Variants in VIPR2 observed in about 807,000 individuals in gnomAD.
VIPR2 encodes the protein vasoactive intestinal peptide receptor 2, also known as vasoactive intestinal polypeptide receptor 2.
VIPR2 carries 48 observed loss-of-function variants against 58.0 expected under a neutral mutation model. That is an observed-to-expected ratio of 0.83 (90% CI 0.66 to 1.05). The LOEUF is 1.05. Ranked by LOEUF, VIPR2 falls within the 50% of genes least tolerant of loss-of-function variation. The pLI is 0.00. For missense variants in VIPR2, 534 were observed against 558.0 expected (o/e 0.96, Z 0.43); for synonymous variants, 243 against 235.2 (o/e 1.03, Z -0.30).
chr7:159,074,256 G>A (rs1344583568), intron 4 of VIPR2, among the ~76,000 whole-genome samples: 1 of 152,254 alleles, frequency 6.6e-6, no homozygotes, highest in East Asian at 1.9e-4. Context: ...AAAATGTTCT[G>A]GGCCTAAAGT....
chr7:159,067,319 A>AGAG, intron 4 of VIPR2, among the ~76,000 whole-genome samples: 1 of 152,244 alleles, frequency 6.6e-6, no homozygotes, highest in East Asian at 1.9e-4. Flanking sequence ...TCTGCTGTGC[A>AGAG]GCTATAGGAT....
At chr7:159,091,085 A>G (rs2129495311) in intron 4 of VIPR2, among the ~76,000 whole-genome samples, 1 of 152,360 alleles carries the variant, frequency 6.6e-6, no homozygotes, top group Non-Finnish European at 1.5e-5. Context: ...ACACGCTGTG[A>G]TCACACACAG....
intron 4 of VIPR2, 118 bp downstream of exon 4, chr7:159,103,639 G>T: frequency 2.6e-6 from 2 of 755,498 alleles, no homozygotes; most frequent in Non-Finnish European, 4.5e-6. Flanking sequence ...AAGTAGCATT[G>T]GTACTCAGAG....
chr7:159,032,537 G>T (rs1374228200), intron 10 of VIPR2, among the ~76,000 whole-genome samples: 1 of 152,198 alleles, frequency 6.6e-6, no homozygotes, highest in Non-Finnish European at 1.5e-5. Flanking sequence ...CTCCGTGGGA[G>T]CCAGGTCCCT....
intron 2 of VIPR2, among the ~76,000 whole-genome samples, chr7:159,118,265 G>GT (rs1796319235): frequency 6.6e-6 from 1 of 152,180 alleles, no homozygotes; most frequent in Non-Finnish European, 1.5e-5. Context: ...GCCCCAAACG[G>GT]TAACAGGATT....
intron 2 of VIPR2, among the ~76,000 whole-genome samples, chr7:159,133,312 A>C (rs894387981): frequency 1.3e-5 from 2 of 152,310 alleles, no homozygotes; most frequent in Non-Finnish European, 2.9e-5. Flanking sequence ...GTCCCAATAA[A>C]GCTGACCCCG....
intron 4 of VIPR2, among the ~76,000 whole-genome samples, chr7:159,063,393 C>T (rs1855838069): frequency 1.3e-5 from 2 of 152,196 alleles, no homozygotes; most frequent in Admixed American, 6.5e-5. Flanking sequence ...TGCTAAGCCC[C>T]TCACTGCCCG....
rs1853365745 is a variant in VIPR2, at chr7:159,028,675, GGGGA to G, written c.*1937_*1940del. The G allele has an allele frequency of 6.6e-6, 1 of 152,458 alleles. No individual in the cohort carries two copies. Among genetic ancestry groups the G allele is most frequent in the African/African-American group, 2.4e-5 (1 of 41,470 alleles). 9.4% of individuals were successfully genotyped at this position (152,458 alleles called of 1,614,324 possible). On this transcript the variant is annotated 3_prime_UTR_variant, in exon 13 of 13. Transcript: ENST00000262178. ...GGGGTGGGTCTGTCCAAACCCTACA[GGGGA>G]GGAACAGCCGAGGGGCCGCACTGAA...
rs772737308 is a variant in VIPR2 at position 159,036,921 on chromosome 7, G to A, written c.598-19C>T. 4.4e-6 allele frequency: 7 copies of A among 1,606,218 alleles called. No individual in the cohort carries two copies. The Admixed American group carries it at 1.2e-4, about 27-fold the overall frequency. On this transcript the variant is annotated intron_variant, in intron 6 of 12. Transcript: ENST00000262178. ...AGCCCACCTGGAAACCGCAAACAGA[G>A]GAGAGGAAAGCATGACCTCATCCGG... is the stretch of plus-strand genomic sequence containing the variant.
chr7:159,059,305 C>T (rs1003582210), intron 4 of VIPR2: 9 of 471,232 alleles, frequency 1.9e-5, no homozygotes, highest in Admixed American at 1.2e-4. Flanking sequence ...CATCATCACT[C>T]GCCACTCCCA....
At chr7:159,130,302 G>T (rs908695491) in intron 2 of VIPR2, among the ~76,000 whole-genome samples, 11 of 152,168 alleles carry the variant, frequency 7.2e-5, no homozygotes, top group Admixed American at 7.2e-4. Flanking sequence ...AGACCACCGG[G>T]CTAGGGAGAG....
Position 159,081,416 on chromosome 7 carries a change from T to C in VIPR2, c.357+22341A>G, listed in dbSNP as rs561536073. On this transcript the variant is annotated intron_variant, in intron 4 of 12. Transcript: ENST00000262178. ...GTGCTGGGAAAACTGGCTAGCCATA[T>C]GTAGAAAGCTGAAACTGGATCCCTT... 9.0e-3 allele frequency among the ~76,000 whole-genome samples: 1,377 copies of C among 152,352 alleles called. 12 individuals are homozygous for C. The highest frequency in any genetic ancestry group is 0.013 in the Non-Finnish European group (878 of 68,038).
Position 159,095,169 on chromosome 7 carries a change from T to A in VIPR2, c.357+8588A>T, listed in dbSNP as rs1308894714. On this transcript the variant is annotated intron_variant, in intron 4 of 12. Coordinates refer to ENST00000262178, the MANE Select transcript of VIPR2 (RefSeq NM_003382.5). This position sits in a 1 kb window ranked among gnomAD's most constrained non-coding sequence, Gnocchi z 5.2. ...GCGCACTATCCTGGCCTGGAGTCTA[T>A]GAAATCGGAGCCGAGACAGCAAATC... 6.6e-6 allele frequency among the ~76,000 whole-genome samples: 1 copy of A among 152,176 alleles called. No homozygotes were observed. Among genetic ancestry groups the A allele is most frequent in the Non-Finnish European group, 1.5e-5 (1 of 68,036 alleles).
chr7:159,141,871 G>C (rs112902792), intron 2 of VIPR2, among the ~76,000 whole-genome samples: 506 of 152,310 alleles, frequency 3.3e-3, no homozygotes, highest in African/African-American at 0.011. Context: ...TATAGGCCGG[G>C]TGCTATCCCA....
rs567580203 is a variant in VIPR2, at chr7:159,127,096, C to T, written c.151+15350G>A. ...GCGGTCTCCAAACGTGTTTAGAATG[C>T]TGCAGAGGATACTTTACAGCAAGCC... On this transcript the variant is annotated intron_variant, in intron 2 of 12. Transcript: ENST00000262178. This position sits in a 1 kb window ranked among gnomAD's most constrained non-coding sequence, Gnocchi z 4.6. Among the ~76,000 whole-genome samples the T allele has an allele frequency of 2.6e-5, 4 of 152,348 alleles. 1 individual carries two copies. The highest frequency in any genetic ancestry group is 1.3e-4 in the Admixed American group (2 of 15,300).
At chr7:159,122,167 A>C (rs1796477584) in intron 2 of VIPR2, among the ~76,000 whole-genome samples, 1 of 152,250 alleles carries the variant, frequency 6.6e-6, no homozygotes, top group South Asian at 2.1e-4. Context: ...GTCAAGGGAC[A>C]TGACGGGTGG....
intron 3 of VIPR2, among the ~76,000 whole-genome samples, chr7:159,104,741 A>C (rs1858544111): frequency 7.4e-6 from 1 of 134,952 alleles, no homozygotes; most frequent in Admixed American, 7.3e-5. Context: ...TGCCCCACCC[A>C]GTTCCTGACA....
At chr7:159,122,680 A>T (rs570584637) in intron 2 of VIPR2, among the ~76,000 whole-genome samples, 1 of 152,024 alleles carries the variant, frequency 6.6e-6, no homozygotes, top group Non-Finnish European at 1.5e-5. Context: ...CTGAGCAAGG[A>T]GGTTTCCATC....
intron 4 of VIPR2, among the ~76,000 whole-genome samples, chr7:159,065,342 C>T (rs73730126): frequency 0.013 from 1,979 of 152,252 alleles, 46 homozygotes; most frequent in African/African-American, 0.042. Flanking sequence ...GGCAGGAGGG[C>T]GGCCACCCCA....
Sources: allele counts gnomAD v4.1 joint callset (sites outside exome capture counted in the v4.1 genomes callset), GRCh38; gene constraint gnomAD v4.1.1; non-coding constraint Gnocchi (gnomAD v3.1); transcripts MANE v1.5; gene names NCBI Gene and HGNC (gene_info 2026-07-23, HGNC 2026-07-21).